Variants in TNFRSF10B observed in about 807,000 individuals in gnomAD.
The protein encoded by TNFRSF10B is TNF receptor superfamily member 10b.
A neutral mutation model predicts 41.4 loss-of-function variants in TNFRSF10B; 35 were observed. That is an observed-to-expected ratio of 0.85 (90% CI 0.65 to 1.12). TNFRSF10B has a LOEUF of 1.12. Among genes scored for constraint, TNFRSF10B ranks in the 50% most tolerant of loss-of-function variants. TNFRSF10B has a pLI of 0.00. For synonymous variants in TNFRSF10B, 230 were observed against 215.5 expected, an observed-to-expected ratio of 1.07 and a Z score of -0.59; for missense variants, 584 against 552.7, an observed-to-expected ratio of 1.06 and a Z score of -0.57.
chr8:23,033,039 C>G (rs1297913768), intron 2 of TNFRSF10B, among the ~76,000 whole-genome samples: 1 of 152,036 alleles, frequency 6.6e-6, no homozygotes, highest in East Asian at 1.9e-4. Context: ...AACCATAGAG[C>G]CCAGAAGGGA....
intron 8 of TNFRSF10B, 151 bp from the exon 9 acceptor site, chr8:23,023,135 A>G (rs1248255446): frequency 3.0e-6 from 3 of 1,013,896 alleles, no homozygotes; most frequent in Non-Finnish European, 4.5e-6. Context: ...CTTCCCATCC[A>G]CAGAGAGCGC....
chr8:23,067,682 T>C (rs957283028), intron 1 of TNFRSF10B, among the ~76,000 whole-genome samples: 8 of 152,148 alleles, frequency 5.3e-5, no homozygotes, highest in African/African-American at 1.4e-4. Context: ...GGACATACTG[T>C]GGTGTGGGGC....
intron 1 of TNFRSF10B, among the ~76,000 whole-genome samples, chr8:23,047,594 GA>G (rs941034248): frequency 7.7e-5 from 11 of 143,156 alleles, no homozygotes; most frequent in African/African-American, 1.5e-4. Context: ...ACAGATATTT[GA>G]AAAAAAAAAA....
chr8:23,030,793 G>A lies in TNFRSF10B; in HGVS notation c.330C>T (p.Leu110=). The change falls in exon 3 of 9, where the codon CTC becomes CTT. Residue 110 remains leucine, a synonymous_variant. Transcript: ENST00000276431. ...ACCTGGTGCAGCGCAAGCAGAAAAGGAGGTCATTCCAGTGAGTGCTATAGT... is the reference window on the plus strand; with the variant it reads ...ACCTGGTGCAGCGCAAGCAGAAAAGAAGGTCATTCCAGTGAGTGCTATAGT... The part of the protein sequence containing the change: ...GQDYSTHWND[L]LFCLRCTRCD... The A allele has an allele frequency of 7.4e-6, 12 of 1,613,250 alleles. No homozygotes were observed. Among genetic ancestry groups the A allele is most frequent in the Admixed American group, 1.7e-5 (1 of 59,946 alleles).
intron 1 of TNFRSF10B, among the ~76,000 whole-genome samples, chr8:23,054,706 C>T (rs1217294246): frequency 6.6e-6 from 1 of 152,136 alleles, no homozygotes; most frequent in Non-Finnish European, 1.5e-5. Flanking sequence ...CACTTTCTGA[C>T]AGGCCAGGAA....
At chr8:23,030,472 C>T (rs111281368) in intron 3 of TNFRSF10B, among the ~76,000 whole-genome samples, 1 of 151,958 alleles carries the variant, frequency 6.6e-6, no homozygotes, top group Admixed American at 6.6e-5. Flanking sequence ...GCCACCATGC[C>T]CGGCTAATGT....
chr8:23,060,021 A>C (rs960493255), intron 1 of TNFRSF10B, among the ~76,000 whole-genome samples: 3 of 152,162 alleles, frequency 2.0e-5, no homozygotes, highest in Non-Finnish European at 4.4e-5. Context: ...GGAATTCTTT[A>C]TATATTTTAG....
chr8:23,047,462 G>T (rs1235335372), intron 1 of TNFRSF10B, among the ~76,000 whole-genome samples: 1 of 151,930 alleles, frequency 6.6e-6, no homozygotes, highest in African/African-American at 2.4e-5. Context: ...CTGATAAGGG[G>T]TTAATATCTA....
chr8:23,048,253 T>C (rs1023123608), intron 1 of TNFRSF10B, among the ~76,000 whole-genome samples: 7 of 151,728 alleles, frequency 4.6e-5, no homozygotes, highest in African/African-American at 1.5e-4. Context: ...CTGGCCAACA[T>C]GGTGAAACCC....
At chr8:23,029,473 C>T (rs979451141) in intron 4 of TNFRSF10B, 137 bp downstream of exon 4, 10 of 807,206 alleles carry the variant, frequency 1.2e-5, no homozygotes, top group African/African-American at 1.7e-5. Flanking sequence ...TGGTGACACG[C>T]AGAGGGACCA....
intron 1 of TNFRSF10B, among the ~76,000 whole-genome samples, chr8:23,046,615 T>TAAAAAAAA (rs147614589): frequency 1.5e-5 from 2 of 129,840 alleles, no homozygotes; most frequent in Non-Finnish European, 3.4e-5. Flanking sequence ...TATGCAACCA[T>TAAAAAAAA]AAAAAAAAAA....
intron 1 of TNFRSF10B, 99 bp downstream of exon 1, chr8:23,068,652 G>T: frequency 6.7e-7 from 1 of 1,482,062 alleles, no homozygotes; most frequent in South Asian, 1.3e-5. Flanking sequence ...GGCCGCAGGC[G>T]ACCCGGGCCA....
At chr8:23,028,209 G>A (rs1811768129) in intron 5 of TNFRSF10B, 122 bp downstream of exon 5, 1 of 1,381,576 alleles carries the variant, frequency 7.2e-7, no homozygotes, top group Non-Finnish European at 1.0e-6. Flanking sequence ...CGAGGAGGAG[G>A]ATAGAGCCAG....
rs1811812475 is a variant in TNFRSF10B at position 23,029,467 on chromosome 8, G to A, written c.476+143C>T. The A allele has an allele frequency of 3.9e-6, 3 of 766,914 alleles. No individual in the cohort carries two copies. The East Asian group carries it at 8.1e-5, about 21-fold the overall frequency. The allele number at this position is 766,914 out of a possible 1,614,324, so 47.5% of individuals were successfully genotyped here. A position where few individuals can be genotyped will look rare whatever the true frequency, so the allele number is the denominator to read the frequency against. ...GGCTGCTGCAGGGGGCAGGGGTGGT[G>A]ACACGCAGAGGGACCAGGAGGGGCA... is the stretch of plus-strand genomic sequence containing the variant. On this transcript the variant is annotated intron_variant, in intron 4 of 8. Transcript: ENST00000276431.
Position 23,021,971 on chromosome 8 carries a change from A to G in TNFRSF10B, c.*700T>C. 2.2e-6 allele frequency: 1 copy of G among 452,190 alleles called. No individual in the cohort carries two copies. The highest frequency in any genetic ancestry group is 4.4e-6 in the Non-Finnish European group (1 of 225,502). The allele number at this position is 452,190 out of a possible 1,614,324, so 28.0% of individuals were successfully genotyped here. A position where few individuals can be genotyped will look rare whatever the true frequency, so the allele number is the denominator to read the frequency against. On this transcript the variant is annotated 3_prime_UTR_variant, in exon 9 of 9. Coordinates refer to ENST00000276431, the MANE Select transcript of TNFRSF10B (RefSeq NM_003842.5). Reference sequence around the variant, plus strand: ...AACATACAGAATTATAAAAGTAGAAAGGTAAGGCCAAGCATGGGGGCTCAC... The same window carrying G: ...AACATACAGAATTATAAAAGTAGAAGGGTAAGGCCAAGCATGGGGGCTCAC...
At chr8:23,051,699 C>A (rs984669561) in intron 1 of TNFRSF10B, among the ~76,000 whole-genome samples, 1 of 152,218 alleles carries the variant, frequency 6.6e-6, no homozygotes, top group East Asian at 1.9e-4. Context: ...CGCCCGCCAC[C>A]GCGCCTGGTT....
intron 1 of TNFRSF10B, among the ~76,000 whole-genome samples, chr8:23,050,953 A>T (rs568385832): frequency 1.6e-4 from 24 of 152,312 alleles, no homozygotes; most frequent in African/African-American, 5.3e-4. Flanking sequence ...AGGCACCTGT[A>T]ATCCCAGCTA....
intron 1 of TNFRSF10B, chr8:23,068,324 C>G (rs906939333): frequency 4.5e-6 from 1 of 221,272 alleles, no homozygotes; most frequent in African/African-American, 2.4e-5. Flanking sequence ...GGAATTCATT[C>G]GAAGGCGCAA....
At position 23,022,133 on chromosome 8, in the gene TNFRSF10B, A is replaced by G. The variant is rs960457686; in HGVS notation, c.*538T>C. The stretch of plus-strand genomic sequence containing the variant: ...AAATTAGCCGGGCGTGGTGGTGCAC[A>G]CCTGTGGTCCCAGCTATTTGGATGG... On this transcript the variant is annotated 3_prime_UTR_variant, in exon 9 of 9. Coordinates refer to ENST00000276431, the MANE Select transcript of TNFRSF10B (RefSeq NM_003842.5). 2 of 440,110 alleles carry G rather than the reference A, an allele frequency of 4.5e-6. No individual in the cohort carries two copies. Among genetic ancestry groups the G allele is most frequent in the African/African-American group, 4.0e-5 (2 of 49,430 alleles). 27.3% of individuals were successfully genotyped at this position (440,110 alleles called of 1,614,324 possible).
Sources: allele counts gnomAD v4.1 joint callset (sites outside exome capture counted in the v4.1 genomes callset), GRCh38; gene constraint gnomAD v4.1.1; transcripts MANE v1.5; gene names NCBI Gene and HGNC (gene_info 2026-07-23, HGNC 2026-07-21).